DNAJC1: variants seen among roughly 807,000 people sequenced by gnomAD.
DNAJC1 encodes dnaJ homolog subfamily C member 1.
A neutral mutation model predicts 76.6 loss-of-function variants in DNAJC1; 58 were observed. The ratio of observed to expected loss-of-function variants is 0.76; its 90% CI spans 0.61 to 0.94. DNAJC1 has a LOEUF of 0.94. DNAJC1 is among the 40% of genes least tolerant of loss of function. The pLI, the probability that DNAJC1 is intolerant of heterozygous loss-of-function variation, is 0.00. For synonymous variants in DNAJC1, 258 were observed against 267.9 expected, an observed-to-expected ratio of 0.96 and a Z score of 0.36; for missense variants, 689 against 677.3, an observed-to-expected ratio of 1.02 and a Z score of -0.19.
chr10:21,984,046 TG>T (rs1838199705), intron 1 of DNAJC1, among the ~76,000 whole-genome samples: 1 of 152,212 alleles, frequency 6.6e-6, no homozygotes, highest in Non-Finnish European at 1.5e-5. Flanking sequence ...GAGCAGTTAC[TG>T]AGGCCAATAA....
At chr10:21,797,123 T>G (rs1354580184) in intron 9 of DNAJC1, among the ~76,000 whole-genome samples, 2 of 152,130 alleles carry the variant, frequency 1.3e-5, no homozygotes, top group Non-Finnish European at 1.5e-5. Flanking sequence ...ATTTTTTTTT[T>G]GCATGGTGTA....
intron 6 of DNAJC1, among the ~76,000 whole-genome samples, chr10:21,908,024 TA>T (rs1173471513): frequency 1.8e-4 from 7 of 39,046 alleles, no homozygotes; most frequent in East Asian, 0.011. Context: ...ATAATATATA[TA>T]AATATATAAT....
chr10:21,790,115 A>G (rs1431016950), intron 9 of DNAJC1, among the ~76,000 whole-genome samples: 1 of 150,956 alleles, frequency 6.6e-6, no homozygotes, highest in Non-Finnish European at 1.5e-5. Context: ...ATTGGAAATT[A>G]CCCAGTTAGA....
At chr10:21,777,819 T>C (rs962711865) in intron 9 of DNAJC1, among the ~76,000 whole-genome samples, 34 of 152,224 alleles carry the variant, frequency 2.2e-4, no homozygotes, top group African/African-American at 6.8e-4. Context: ...TGATTTACAA[T>C]TGCATAATGG....
intron 1 of DNAJC1, 85 bp from the exon 2 acceptor site, chr10:21,929,226 A>C (rs1198120526): frequency 3.3e-6 from 3 of 914,254 alleles, no homozygotes; most frequent in Non-Finnish European, 5.0e-6. Flanking sequence ...ATCTGAGAAG[A>C]CAGCCAACCA....
At chr10:21,966,053 T>C (rs141231147) in intron 1 of DNAJC1, among the ~76,000 whole-genome samples, 44 of 152,336 alleles carry the variant, frequency 2.9e-4, no homozygotes, top group African/African-American at 8.9e-4. Context: ...ATCTTGACAC[T>C]TCTAAAGAGT....
intron 7 of DNAJC1, 151 bp from the exon 8 acceptor site, chr10:21,882,590 A>G: frequency 3.6e-6 from 2 of 549,600 alleles, no homozygotes; most frequent in Non-Finnish European, 5.8e-6. Context: ...TTGTACATAA[A>G]CCATTGCATT....
intron 1 of DNAJC1, among the ~76,000 whole-genome samples, chr10:21,945,401 C>T (rs1187290457): frequency 1.3e-5 from 2 of 152,110 alleles, no homozygotes; most frequent in African/African-American, 4.8e-5. Context: ...TTTAAAGAAA[C>T]ATATCTACAT....
Position 21,882,429 on chromosome 10 carries a change from T to C in DNAJC1, c.831A>G (p.Lys277=). ...GAAATTCAGGTTTTGGTTTTTTAACTTTCTTCTGTTCTAAAAAATGTTTAA... is the reference window on the plus strand; with the variant it reads ...GAAATTCAGGTTTTGGTTTTTTAACCTTCTTCTGTTCTAAAAAATGTTTAA... ...TELETLQKQK[K]VKKPKPEFPV... is the part of the protein sequence containing the mutation. Residue 277 remains lysine (K), a synonymous_variant, in exon 8 of 12, where the codon AAA becomes AAG. Transcript: ENST00000376980. 6.7e-7 allele frequency: 1 copy of C among 1,497,180 alleles called. No homozygotes were observed. The highest frequency in any genetic ancestry group is 8.9e-7 in the Non-Finnish European group (1 of 1,124,442). 92.7% of individuals were successfully genotyped at this position (1,497,180 alleles called of 1,614,324 possible).
At chr10:21,968,244 G>T (rs1432605196) in intron 1 of DNAJC1, among the ~76,000 whole-genome samples, 1 of 152,132 alleles carries the variant, frequency 6.6e-6, no homozygotes, top group Non-Finnish European at 1.5e-5. Context: ...AAAGTACACT[G>T]CTATAAAGCC....
chr10:21,846,976 T>C lies in DNAJC1; in HGVS notation c.978+35306A>G, dbSNP rs148609541. ...CTTGAAGGTGTCAAGGACAAATAGA[T>C]AGGAAGCTTCTATGATAAAGAGATA... is the stretch of plus-strand genomic sequence containing the variant. On this transcript the variant is annotated intron_variant, in intron 8 of 11. Transcript: ENST00000376980. 1.6e-4 allele frequency among the ~76,000 whole-genome samples: 24 copies of C among 151,580 alleles called. No homozygotes were observed. In the East Asian group the frequency reaches 3.7e-3, roughly 23 times the overall value.
chr10:21,880,635 G>GT (rs1365962705), intron 8 of DNAJC1, among the ~76,000 whole-genome samples: 2 of 152,126 alleles, frequency 1.3e-5, no homozygotes, highest in African/African-American at 2.4e-5. Context: ...TTACTGAGCA[G>GT]TAAGTCTCCA....
chr10:21,946,321 AT>A, intron 1 of DNAJC1, among the ~76,000 whole-genome samples: 1 of 152,130 alleles, frequency 6.6e-6, no homozygotes, highest in Middle Eastern at 3.4e-3. Flanking sequence ...ACACATAAAA[AT>A]ATTTTATAAT....
chr10:21,889,035 A>G (rs1364682262), intron 7 of DNAJC1, among the ~76,000 whole-genome samples: 6 of 152,200 alleles, frequency 3.9e-5, no homozygotes, highest in African/African-American at 1.2e-4. Context: ...TCACATTGCT[A>G]TAAATAACTG....
At chr10:21,757,646 A>G (rs1327412348) in intron 11 of DNAJC1, among the ~76,000 whole-genome samples, 1 of 152,160 alleles carries the variant, frequency 6.6e-6, no homozygotes, top group Non-Finnish European at 1.5e-5. Context: ...CTTAGTAGCT[A>G]TGCTGTCCCT....
At chr10:21,829,485 G>T (rs2131666629) in intron 8 of DNAJC1, among the ~76,000 whole-genome samples, 1 of 152,312 alleles carries the variant, frequency 6.6e-6, no homozygotes, top group South Asian at 2.1e-4. Context: ...CAAAGTGCTG[G>T]GATTACAGGC....
intron 1 of DNAJC1, 22 bp downstream of exon 1, chr10:22,003,190 GC>G: frequency 1.3e-6 from 2 of 1,502,142 alleles, no homozygotes; most frequent in Non-Finnish European, 1.8e-6. Flanking sequence ...TCTCCGCCCG[GC>G]CCCGCGCGCC....
intron 6 of DNAJC1, among the ~76,000 whole-genome samples, chr10:21,916,291 C>T (rs1444809414): frequency 6.6e-6 from 1 of 152,084 alleles, no homozygotes; most frequent in Non-Finnish European, 1.5e-5. Context: ...AGATCGAGAC[C>T]ATCCTGGCTA....
chr10:21,952,799 G>A (rs1433152809), intron 1 of DNAJC1, among the ~76,000 whole-genome samples: 12 of 152,014 alleles, frequency 7.9e-5, no homozygotes, highest in Admixed American at 4.6e-4. Context: ...ACAGGGTCTC[G>A]CATATTGCCC....
Sources: gnomAD v4.1 joint callset for allele counts (sites outside exome capture counted in the v4.1 genomes callset) on GRCh38, gnomAD v4.1.1 for gene constraint, MANE v1.5 for transcripts, NCBI Gene and HGNC (gene_info 2026-07-23, HGNC 2026-07-21) for gene names.